The following MTUS1 variants were observed in gnomAD, a reference collection of about 807,000 sequenced individuals.
The protein encoded by MTUS1 is microtubule-associated tumor suppressor 1.
In MTUS1, 109 loss-of-function variants were observed where a neutral mutation model predicts 120.8. That is an observed-to-expected ratio of 0.90 (90% CI 0.77 to 1.06). MTUS1 has a LOEUF of 1.06. MTUS1 is among the 50% of genes least tolerant of loss of function. The pLI, the probability that MTUS1 is intolerant of heterozygous loss-of-function variation, is 0.00. For missense variants in MTUS1, 2,210 were observed against 1,486.3 expected (o/e 1.49, Z -8.01); for synonymous variants, 737 against 550.5 (o/e 1.34, Z -4.74).
At chr8:17,772,089 T>G (rs2050064145) in intron 1 of MTUS1, among the ~76,000 whole-genome samples, 1 of 152,178 alleles carries the variant, frequency 6.6e-6, no homozygotes, top group Admixed American at 6.5e-5. Context: ...TTCCTCTCCT[T>G]TAGTTTACCA....
intron 3 of MTUS1, among the ~76,000 whole-genome samples, chr8:17,725,823 G>A (rs1188359440): frequency 2.6e-5 from 4 of 152,262 alleles, no homozygotes; most frequent in African/African-American, 9.6e-5. Context: ...CATATTTTAT[G>A]TGTGGCCCAA....
chr8:17,704,288 C>G (rs915188439), intron 6 of MTUS1: 3 of 152,172 alleles, frequency 2.0e-5, no homozygotes, highest in African/African-American at 7.2e-5. Flanking sequence ...GATTTTTAAT[C>G]TGATGTACTC....
At chr8:17,688,736 T>C (rs1816350710) in intron 6 of MTUS1, among the ~76,000 whole-genome samples, 1 of 152,222 alleles carries the variant, frequency 6.6e-6, no homozygotes, top group South Asian at 2.1e-4. Context: ...TATTAGTTTA[T>C]GTTTGTATAA....
Position 17,681,775 on chromosome 8 carries a change from T to C in MTUS1, c.2838+2553A>G, listed in dbSNP as rs572973664. ...ATGATAAAGAGCCTTATAGTACCAG[T>C]TGAAAACCAGACTCCCCAAAACAAA... is the stretch of plus-strand genomic sequence containing the variant. On this transcript the variant is annotated intron_variant, in intron 7 of 14. Transcript: ENST00000693296. The C allele has an allele frequency of 1.8e-4, 28 of 154,872 alleles. 1 individual carries two copies. The highest frequency in any genetic ancestry group is 1.8e-3 in the Admixed American group (27 of 15,302). 9.6% of individuals were successfully genotyped at this position (154,872 alleles called of 1,614,324 possible). A position where few individuals can be genotyped will look rare whatever the true frequency, so the allele number is the denominator to read the frequency against.
rs2048288414 is a variant in MTUS1, at chr8:17,752,645, C to A, written c.2091+1072G>T. ...AATTCCCTCCCTTGTGGTCCCCATGCACCCTGAAGACACACCTAAGTCAGC... is the reference window on the plus strand; with the variant it reads ...AATTCCCTCCCTTGTGGTCCCCATGAACCCTGAAGACACACCTAAGTCAGC... On this transcript the variant is annotated intron_variant, in intron 2 of 14. Transcript: ENST00000693296. Among the ~76,000 whole-genome samples the A allele has an allele frequency of 2.6e-5, 4 of 152,114 alleles. No homozygotes were observed. In the South Asian group the frequency reaches 8.3e-4, roughly 32 times the overall value.
intron 1 of MTUS1, among the ~76,000 whole-genome samples, chr8:17,784,036 G>C (rs1266433140): frequency 6.6e-6 from 1 of 152,108 alleles, no homozygotes; most frequent in African/African-American, 2.4e-5. Flanking sequence ...GCCCCCAAAC[G>C]TTTTAAAAGC....
At chr8:17,670,433 C>T (rs566727219) in intron 8 of MTUS1, among the ~76,000 whole-genome samples, 1 of 152,234 alleles carries the variant, frequency 6.6e-6, no homozygotes, top group African/African-American at 2.4e-5. Context: ...ATGGGACAGC[C>T]ACTTGACAGA....
At chr8:17,782,977 C>G (rs928427762) in intron 1 of MTUS1, among the ~76,000 whole-genome samples, 1 of 152,140 alleles carries the variant, frequency 6.6e-6, no homozygotes, top group Non-Finnish European at 1.5e-5. Context: ...ACTCAGGAGG[C>G]TGAGGCAGGA....
intron 2 of MTUS1, 147 bp downstream of exon 2, chr8:17,753,570 C>G: frequency 1.7e-6 from 1 of 589,992 alleles, no homozygotes; most frequent in Non-Finnish European, 2.9e-6. Context: ...CACCCCAGTA[C>G]TGACAAGACA....
chr8:17,670,060 C>T (rs142824480), intron 8 of MTUS1, among the ~76,000 whole-genome samples: 1 of 152,298 alleles, frequency 6.6e-6, no homozygotes, highest in Non-Finnish European at 1.5e-5. Flanking sequence ...ATTTAGGACA[C>T]AGACTGACAT....
At chr8:17,753,143 T>A (rs566197226) in intron 2 of MTUS1, among the ~76,000 whole-genome samples, 2 of 152,306 alleles carry the variant, frequency 1.3e-5, no homozygotes, top group East Asian at 3.9e-4. Context: ...GCTTCACACA[T>A]CCACTAGGTC....
At chr8:17,650,880 G>C (rs757530875) in intron 12 of MTUS1, among the ~76,000 whole-genome samples, 2 of 152,216 alleles carry the variant, frequency 1.3e-5, no homozygotes. Context: ...CCACTGATCA[G>C]ATATGTTTAA....
At chr8:17,684,257 G>T in intron 7 of MTUS1, 71 bp downstream of exon 7, 1 of 1,072,588 alleles carries the variant, frequency 9.3e-7, no homozygotes, top group Non-Finnish European at 1.4e-6. Flanking sequence ...CAAGGCCAGC[G>T]TGTGAGCAAG....
chr8:17,645,138 AGT>A lies in MTUS1; in HGVS notation c.*786_*787del, dbSNP rs1805534961. ...AGCCTGAGAAAATGAATTACAGGAT[AGT>A]GTTAGGCTCACATGGGTAAGTAAAA... On this transcript the variant is annotated 3_prime_UTR_variant, in exon 15 of 15. Transcript: ENST00000693296. 6.6e-6 allele frequency: 1 copy of A among 152,612 alleles called. No homozygotes were observed. The highest frequency in any genetic ancestry group is 1.5e-5 in the Non-Finnish European group (1 of 68,028). The allele number at this position is 152,612 out of a possible 1,614,324, so 9.5% of individuals were successfully genotyped here. A position where few individuals can be genotyped will look rare whatever the true frequency, so the allele number is the denominator to read the frequency against.
chr8:17,677,465 A>T (rs955246266), intron 7 of MTUS1, among the ~76,000 whole-genome samples: 1 of 152,222 alleles, frequency 6.6e-6, no homozygotes. Flanking sequence ...TCATTTTTCA[A>T]ATTTATGGAA....
At chr8:17,688,514 G>A (rs1301758078) in intron 6 of MTUS1, among the ~76,000 whole-genome samples, 1 of 152,214 alleles carries the variant, frequency 6.6e-6, no homozygotes, top group Non-Finnish European at 1.5e-5. Context: ...TATGAACTCA[G>A]AAGCTAGTGA....
chr8:17,657,834 A>T (rs1004927520), intron 8 of MTUS1, among the ~76,000 whole-genome samples: 4 of 150,088 alleles, frequency 2.7e-5, no homozygotes, highest in Admixed American at 2.7e-4. Context: ...ATAAAATGAA[A>T]GGTTAAAAAA....
chr8:17,716,857 T>C (rs1822446013), intron 4 of MTUS1, among the ~76,000 whole-genome samples: 1 of 152,170 alleles, frequency 6.6e-6, no homozygotes, highest in African/African-American at 2.4e-5. Flanking sequence ...CCTAGCCTGT[T>C]TGTTTCCAAA....
chr8:17,693,664 A>C (rs1217480762), intron 6 of MTUS1, among the ~76,000 whole-genome samples: 1 of 152,150 alleles, frequency 6.6e-6, no homozygotes, highest in Non-Finnish European at 1.5e-5. Context: ...TGAGGACCCA[A>C]CTTAAAAGGC....
Sources: allele counts gnomAD v4.1 joint callset (sites outside exome capture counted in the v4.1 genomes callset), GRCh38; gene constraint gnomAD v4.1.1; transcripts MANE v1.5; gene names NCBI Gene and HGNC (gene_info 2026-07-23, HGNC 2026-07-21).